SVOPL: variants seen among roughly 807,000 people sequenced by gnomAD.
The protein encoded by SVOPL is SVOP like.
In SVOPL, 60 loss-of-function variants were observed where a neutral mutation model predicts 61.0. The observed-to-expected ratio is 0.98, with a 90% CI of 0.80 to 1.22. The LOEUF (loss-of-function observed/expected upper bound fraction) is 1.22. Ranked by LOEUF, SVOPL falls within the 50% of genes most tolerant of loss-of-function variation. The probability of loss-of-function intolerance (pLI) is 0.00; values close to 1 mark genes in which losing one functional copy is unlikely to be tolerated. For missense variants in SVOPL, 662 were observed against 643.9 expected, an observed-to-expected ratio of 1.03 and a Z score of -0.30; for synonymous variants, 279 against 250.0, an observed-to-expected ratio of 1.12 and a Z score of -1.09.
intron 7 of SVOPL, among the ~76,000 whole-genome samples, chr7:138,654,884 TTA>T (rs1491384264): frequency 0.011 from 1,125 of 100,340 alleles, 12 homozygotes; most frequent in African/African-American, 0.041. Flanking sequence ...TTTTTTTTTT[TTA>T]AAAAAAAAAA....
chr7:138,693,580 G>GAAA (rs1451339144), intron 1 of SVOPL, among the ~76,000 whole-genome samples: 11 of 60,058 alleles, frequency 1.8e-4, no homozygotes, highest in Admixed American at 1.3e-3. Flanking sequence ...AAAGAAAAAA[G>GAAA]GAAAGAAAGA....
chr7:138,620,092 T>G (rs566001842), intron 14 of SVOPL, among the ~76,000 whole-genome samples: 28 of 149,708 alleles, frequency 1.9e-4, no homozygotes, highest in African/African-American at 6.6e-4. Context: ...GGATTTCTGT[T>G]TTTTTTTTCT....
chr7:138,603,955 CTTTTTT>C (rs560678707), intron 14 of SVOPL, among the ~76,000 whole-genome samples: 148 of 109,242 alleles, frequency 1.4e-3, no homozygotes, highest in African/African-American at 4.8e-3. Flanking sequence ...TTAATTTATT[CTTTTTT>C]TTTTTTTTTT....
chr7:138,669,617 C>A (rs917391076), intron 4 of SVOPL, among the ~76,000 whole-genome samples: 7 of 152,158 alleles, frequency 4.6e-5, no homozygotes, highest in African/African-American at 1.7e-4. Context: ...CTGTGCAACT[C>A]CACCCCTCAC....
chr7:138,670,205 A>G (rs890845665), intron 4 of SVOPL, among the ~76,000 whole-genome samples: 1 of 152,178 alleles, frequency 6.6e-6, no homozygotes, highest in Non-Finnish European at 1.5e-5. Context: ...TTTGGAAGAA[A>G]TTTAGTTTAC....
intron 9 of SVOPL, among the ~76,000 whole-genome samples, chr7:138,630,506 A>G (rs1029413489): frequency 6.6e-6 from 1 of 152,164 alleles, no homozygotes; most frequent in East Asian, 1.9e-4. Flanking sequence ...CTCTTATATT[A>G]AAAAAGAGTA....
chr7:138,686,937 T>C (rs13236345), intron 1 of SVOPL, among the ~76,000 whole-genome samples: 33,166 of 152,056 alleles, frequency 0.22, 4,095 homozygotes, highest in African/African-American at 0.33. Context: ...ATATTCTTTG[T>C]TTTCTTAAAC....
intron 14 of SVOPL, among the ~76,000 whole-genome samples, chr7:138,617,150 A>T (rs569211903): frequency 6.6e-6 from 1 of 152,168 alleles, no homozygotes; most frequent in Admixed American, 6.5e-5. Context: ...TTATATTTTT[A>T]GTAGAGACGA....
intron 8 of SVOPL, among the ~76,000 whole-genome samples, chr7:138,648,470 G>A (rs1324193606): frequency 6.6e-6 from 1 of 150,496 alleles, no homozygotes; most frequent in African/African-American, 2.4e-5. Flanking sequence ...GGGAGGCCGA[G>A]GCGGGTGGAT....
At chr7:138,629,125 A>ATATATGTGTGTATGTATATG (rs1800037599) in intron 10 of SVOPL, among the ~76,000 whole-genome samples, 1 of 64,200 alleles carries the variant, frequency 1.6e-5, no homozygotes, top group African/African-American at 8.2e-5. Context: ...CATGTTTTAT[A>ATATATGTGTGTATGTATATG]TATGTGTGTG....
At position 138,684,258 on chromosome 7, in the gene SVOPL, G is replaced by A. The variant is rs372358454; in HGVS notation, c.-34-5179C>T. Among the ~76,000 whole-genome samples, 44 of 151,994 alleles carry A rather than the reference G, an allele frequency of 2.9e-4. No individual in the cohort carries two copies. The East Asian group carries it at 6.0e-3, about 21-fold the overall frequency. ...TGGGTGCCTGTAATCCCAGCTACTC[G>A]GGAGGCTGAGGCGGGAGAATCACTT... On this transcript the variant is annotated intron_variant, in intron 1 of 15. Transcript: ENST00000674285.
chr7:138,693,529 A>AAAAG (rs745407235), intron 1 of SVOPL, among the ~76,000 whole-genome samples: 18,333 of 116,866 alleles, frequency 0.16, 1,601 homozygotes, highest in East Asian at 0.19. Flanking sequence ...AAAAGAAAGA[A>AAAAG]AAAGAAAGAA....
intron 9 of SVOPL, among the ~76,000 whole-genome samples, chr7:138,636,800 ATTTAT>A (rs1246453629): frequency 1.3e-5 from 2 of 151,944 alleles, no homozygotes; most frequent in Admixed American, 6.6e-5. Context: ...TAACTAATTT[ATTTAT>A]TTTGAGGGGA....
Position 138,642,848 on chromosome 7 carries a change from A to AAAAAGAAG in SVOPL, c.789+1868_789+1869insCTTCTTTT, listed in dbSNP as rs1437306629. Among the ~76,000 whole-genome samples the AAAAAGAAG allele has an allele frequency of 1.1e-3, 39 of 35,476 alleles. 1 individual carries two copies. Among genetic ancestry groups the AAAAAGAAG allele is most frequent in the African/African-American group, 1.9e-3 (35 of 18,246 alleles). 23.3% of individuals were successfully genotyped at this position (35,476 alleles called of 152,430 possible). On this transcript the variant is annotated intron_variant, in intron 9 of 15. Transcript: ENST00000674285. ...CCTACCTCCAAAAAAAAAAAAAAAA[A>AAAAAGAAG]AAGAAGAAACAAAATTTTTAATAAT...
At chr7:138,634,999 T>G (rs1800398691) in intron 9 of SVOPL, among the ~76,000 whole-genome samples, 1 of 152,108 alleles carries the variant, frequency 6.6e-6, no homozygotes, top group African/African-American at 2.4e-5. Flanking sequence ...CCGGGCGCAG[T>G]GGCTCATGCC....
At chr7:138,653,469 A>G (rs1444914929) in intron 7 of SVOPL, among the ~76,000 whole-genome samples, 1 of 152,210 alleles carries the variant, frequency 6.6e-6, no homozygotes, top group African/African-American at 2.4e-5. Flanking sequence ...GCCAATGATC[A>G]TCGACCATTC....
Position 138,621,140 on chromosome 7 carries a change from A to G in SVOPL, c.1264-5T>C. 1.2e-6 allele frequency: 2 copies of G among 1,611,816 alleles called. No homozygotes were observed. Among genetic ancestry groups the G allele is most frequent in the Non-Finnish European group, 8.5e-7 (1 of 1,179,052 alleles). On this transcript the variant is annotated splice_polypyrimidine_tract_variant and splice_region_variant and intron_variant, in intron 13 of 15. Transcript: ENST00000674285. ...GCGCATCGTGGTGGGGTAGACCTGC[A>G]GGGAGAGGCACGGAAAGTACCAGTC...
At chr7:138,626,177 C>G in intron 12 of SVOPL, 127 bp from the exon 13 acceptor site, 1 of 887,730 alleles carries the variant, frequency 1.1e-6, no homozygotes, top group Non-Finnish European at 1.7e-6. Context: ...GAGGGAGGTG[C>G]TGCTTCTCAG....
At chr7:138,650,478 C>T (rs965125200) in intron 7 of SVOPL, among the ~76,000 whole-genome samples, 5 of 151,606 alleles carry the variant, frequency 3.3e-5, no homozygotes, top group African/African-American at 1.2e-4. Context: ...TCATTGGCTA[C>T]CTAGGTCTGA....
Sources: gnomAD v4.1 joint callset for allele counts (sites outside exome capture counted in the v4.1 genomes callset) on GRCh38, gnomAD v4.1.1 for gene constraint, MANE v1.5 for transcripts, NCBI Gene and HGNC (gene_info 2026-07-23, HGNC 2026-07-21) for gene names.